PRKCI: variants seen among roughly 807,000 people sequenced by gnomAD.
The protein encoded by PRKCI is protein kinase C iota, also known as protein kinase C iota type.
PRKCI carries 43 observed loss-of-function variants against 84.0 expected under a neutral mutation model. The observed-to-expected ratio is 0.51, with a 90% CI of 0.40 to 0.66. The LOEUF (loss-of-function observed/expected upper bound fraction) is 0.66. PRKCI is among the 30% of genes least tolerant of loss of function. PRKCI has a pLI of 0.00. For missense variants in PRKCI, 459 were observed against 745.6 expected, an observed-to-expected ratio of 0.62 and a Z score of 4.48; for synonymous variants, 216 against 234.4, an observed-to-expected ratio of 0.92 and a Z score of 0.72.
intron 7 of PRKCI, among the ~76,000 whole-genome samples, chr3:170,274,163 G>T (rs1428424859): frequency 2.0e-5 from 3 of 151,950 alleles, no homozygotes; most frequent in South Asian, 2.1e-4. Flanking sequence ...ACAGAGTCTT[G>T]CTCTGTTGCC....
intron 8 of PRKCI, 183 bp from the exon 9 acceptor site, chr3:170,280,040 TCATC>T: frequency 2.2e-6 from 1 of 451,246 alleles, no homozygotes; most frequent in Non-Finnish European, 3.7e-6. Flanking sequence ...ATCTCAAAAT[TCATC>T]CATATAATCT....
At chr3:170,251,653 T>C (rs1414369854) in intron 2 of PRKCI, among the ~76,000 whole-genome samples, 2 of 152,186 alleles carry the variant, frequency 1.3e-5, no homozygotes, top group Non-Finnish European at 2.9e-5. Flanking sequence ...CTCACACCTG[T>C]AATCCCAGCA....
chr3:170,270,821 A>C (rs936266372), intron 6 of PRKCI, among the ~76,000 whole-genome samples: 2 of 152,090 alleles, frequency 1.3e-5, no homozygotes. Context: ...TTAGGAAGCT[A>C]TAGAGAGAAC....
chr3:170,289,776 G>A (rs1263059693), intron 12 of PRKCI, among the ~76,000 whole-genome samples: 3 of 152,172 alleles, frequency 2.0e-5, no homozygotes, highest in East Asian at 3.8e-4. Flanking sequence ...GGTGGGCGTG[G>A]TGGTGCATAT....
At chr3:170,259,211 T>A (rs1396799555) in intron 2 of PRKCI, among the ~76,000 whole-genome samples, 1 of 152,098 alleles carries the variant, frequency 6.6e-6, no homozygotes, top group Non-Finnish European at 1.5e-5. Flanking sequence ...ATATACAATG[T>A]TAAGAACAAA....
intron 8 of PRKCI, among the ~76,000 whole-genome samples, chr3:170,277,214 A>C (rs1577365041): frequency 6.6e-6 from 1 of 151,804 alleles, no homozygotes; most frequent in Non-Finnish European, 1.5e-5. Context: ...ATGCCACTGC[A>C]CTCCAGCCTG....
chr3:170,231,052 C>G (rs1293533759), intron 1 of PRKCI, among the ~76,000 whole-genome samples: 1 of 150,962 alleles, frequency 6.6e-6, no homozygotes, highest in Non-Finnish European at 1.5e-5. Context: ...CTCCGCCTCC[C>G]AGGTTCAAGC....
intron 2 of PRKCI, among the ~76,000 whole-genome samples, chr3:170,236,332 C>G (rs1005432589): frequency 2.6e-5 from 4 of 151,724 alleles, no homozygotes; most frequent in Non-Finnish European, 5.9e-5. Flanking sequence ...AACTCCTGGC[C>G]TCAAGTGATC....
At chr3:170,267,493 G>A (rs1733889566) in intron 4 of PRKCI, among the ~76,000 whole-genome samples, 1 of 151,936 alleles carries the variant, frequency 6.6e-6, no homozygotes, top group South Asian at 2.1e-4. Context: ...GACCAACATG[G>A]AGAAACCCTG....
At chr3:170,260,774 A>G (rs1193199972) in intron 3 of PRKCI, among the ~76,000 whole-genome samples, 4 of 152,054 alleles carry the variant, frequency 2.6e-5, no homozygotes, top group Non-Finnish European at 5.9e-5. Flanking sequence ...TGCTTTAGAG[A>G]CATTAATATG....
At chr3:170,224,484 T>C (rs1367146738) in intron 1 of PRKCI, among the ~76,000 whole-genome samples, 1 of 151,982 alleles carries the variant, frequency 6.6e-6, no homozygotes, top group Non-Finnish European at 1.5e-5. Flanking sequence ...TTACCTGTAA[T>C]TTGATGAATG....
chr3:170,279,077 G>T (rs951201341), intron 8 of PRKCI, among the ~76,000 whole-genome samples: 1 of 152,102 alleles, frequency 6.6e-6, no homozygotes, highest in Admixed American at 6.6e-5. Context: ...ATGCAGGCTG[G>T]AGCGCACTGG....
chr3:170,243,669 A>G (rs1301928347), intron 2 of PRKCI, among the ~76,000 whole-genome samples: 3 of 152,216 alleles, frequency 2.0e-5, no homozygotes, highest in Non-Finnish European at 4.4e-5. Flanking sequence ...TAAGGAATTC[A>G]CAAGGAAGTT....
At chr3:170,249,395 A>C (rs80050749) in intron 2 of PRKCI, among the ~76,000 whole-genome samples, 2,386 of 152,148 alleles carry the variant, frequency 0.016, 39 homozygotes, top group East Asian at 0.084. Flanking sequence ...AGAGAGAGAG[A>C]GAAAGGAGAG....
intron 2 of PRKCI, among the ~76,000 whole-genome samples, chr3:170,250,430 C>CA (rs1202755021): frequency 3.0e-5 from 2 of 66,002 alleles, no homozygotes; most frequent in African/African-American, 9.3e-5. Context: ...TTTTCATTAC[C>CA]AACCCCCCCC....
chr3:170,268,077 G>C, intron 5 of PRKCI, 77 bp downstream of exon 5: 1 of 1,207,372 alleles, frequency 8.3e-7, no homozygotes. Flanking sequence ...AAGGTAGTTT[G>C]TTATTAAGTC....
chr3:170,297,197 C>A, intron 15 of PRKCI, 107 bp from the exon 16 acceptor site: 1 of 857,860 alleles, frequency 1.2e-6, no homozygotes, highest in Non-Finnish European at 1.9e-6. Context: ...ACCATTCCAA[C>A]TTCAGAAATA....
intron 2 of PRKCI, among the ~76,000 whole-genome samples, chr3:170,254,814 G>A (rs149956193): frequency 2.6e-5 from 4 of 152,186 alleles, no homozygotes; most frequent in Admixed American, 2.6e-4. Flanking sequence ...TGGGTCTTTT[G>A]TGGTTCCATA....
intron 2 of PRKCI, among the ~76,000 whole-genome samples, chr3:170,235,688 C>T (rs1278824306): frequency 1.3e-5 from 2 of 151,924 alleles, no homozygotes; most frequent in Non-Finnish European, 2.9e-5. Context: ...GCCTCAGCCT[C>T]CCAAGTAGCT....
Sources: allele counts gnomAD v4.1 joint callset (sites outside exome capture counted in the v4.1 genomes callset), GRCh38; gene constraint gnomAD v4.1.1; transcripts MANE v1.5; gene names NCBI Gene and HGNC (gene_info 2026-07-23, HGNC 2026-07-21).